Variants in CHD9 observed in about 807,000 individuals in gnomAD.
The protein encoded by CHD9 is chromodomain helicase DNA binding protein 9.
CHD9 carries 77 observed loss-of-function variants against 316.1 expected under a neutral mutation model. The ratio of observed to expected loss-of-function variants is 0.24; its 90% CI spans 0.20 to 0.29. CHD9 has a LOEUF of 0.29. Among genes scored for constraint, CHD9 ranks in the 10% least tolerant of loss-of-function variants. The pLI is 1.00. For missense variants in CHD9, 2,763 were observed against 3,438.1 expected (o/e 0.80, Z 4.91); for synonymous variants, 1,129 against 1,158.3 (o/e 0.97, Z 0.51).
intron 1 of CHD9, among the ~76,000 whole-genome samples, chr16:53,095,997 T>C (rs930683036): frequency 2.0e-5 from 3 of 152,066 alleles, no homozygotes; most frequent in Non-Finnish European, 4.4e-5. Flanking sequence ...TTTCCAAATA[T>C]GGTTTACAGT....
chr16:53,135,811 C>G (rs920254077), intron 1 of CHD9, among the ~76,000 whole-genome samples: 1 of 152,132 alleles, frequency 6.6e-6, no homozygotes, highest in Admixed American at 6.5e-5. Flanking sequence ...GTTAGAAAAA[C>G]TGGTGAAATG....
chr16:53,173,790 C>T (rs985110401), intron 2 of CHD9, among the ~76,000 whole-genome samples: 75 of 151,942 alleles, frequency 4.9e-4, no homozygotes, highest in African/African-American at 1.3e-3. Context: ...ATGATTCACC[C>T]GCCTCAGCCT....
rs2048815902 is a variant in CHD9 at position 53,238,470 on chromosome 16, G to A, written c.2761G>A (p.Ala921Thr). The part of the protein sequence containing the change: ...FLIIAPLSTI[A>T]NWEREFRTWT... ...GATTATTGCTCCACTTTCTACTATTGCAAACTGGGAGAGAGAATTTCGTAC... is the reference window on the plus strand; with the variant it reads ...GATTATTGCTCCACTTTCTACTATTACAAACTGGGAGAGAGAATTTCGTAC... Residue 921 changes from alanine (A) to threonine (T), a missense_variant, in exon 12 of 39, where the codon GCA (alanine) becomes ACA (threonine). Ala to Thr is a moderately conservative substitution (Grantham distance 58). Transcript: ENST00000447540. 3 of 1,613,054 alleles carry A rather than the reference G, an allele frequency of 1.9e-6. No homozygotes were observed. Among genetic ancestry groups the A allele is most frequent in the Non-Finnish European group, 2.5e-6 (3 of 1,179,492 alleles).
At chr16:53,250,254 T>C (rs1230005600) in intron 17 of CHD9, 188 bp downstream of exon 17, 2 of 557,654 alleles carry the variant, frequency 3.6e-6, no homozygotes, top group Non-Finnish European at 6.2e-6. Context: ...ATGACAAAAA[T>C]TTTTACTTTT....
chr16:53,196,204 G>T (rs916942542), intron 2 of CHD9, among the ~76,000 whole-genome samples: 1 of 152,028 alleles, frequency 6.6e-6, no homozygotes, highest in African/African-American at 2.4e-5. Flanking sequence ...GCATGTGTTT[G>T]TGTGTTTATT....
chr16:53,157,627 A>C, intron 2 of CHD9, 86 bp downstream of exon 2: 1 of 1,274,926 alleles, frequency 7.8e-7, no homozygotes. Flanking sequence ...AAACATAGTC[A>C]AGATTTCTCA....
At chr16:53,161,354 A>G (rs1399992470) in intron 2 of CHD9, among the ~76,000 whole-genome samples, 1 of 152,220 alleles carries the variant, frequency 6.6e-6, no homozygotes, top group Admixed American at 6.5e-5. Flanking sequence ...TTTTACCTAT[A>G]TAATTTTTGC....
chr16:53,064,494 G>A (rs1466192136), intron 1 of CHD9, among the ~76,000 whole-genome samples: 1 of 152,152 alleles, frequency 6.6e-6, no homozygotes, highest in Non-Finnish European at 1.5e-5. Flanking sequence ...AAAAAGGGGG[G>A]CCAGCTGTCA....
At chr16:53,238,165 G>A (rs2048790974) in intron 11 of CHD9, among the ~76,000 whole-genome samples, 178 bp from the exon 12 acceptor site, 3 of 151,950 alleles carry the variant, frequency 2.0e-5, no homozygotes, top group South Asian at 4.1e-4. Flanking sequence ...AGAAATCTTT[G>A]TGCCTTTGCA....
Position 53,291,755 on chromosome 16 carries a change from A to T in CHD9, c.5278A>T (p.Ile1760Leu), listed in dbSNP as rs969801545. ...DDVSSPGDLV[I>L]ADGDGQLMEG... ...TGTTTCCTCACCAGGAGATCTTGTT[A>T]TAGCAGATGGAGGTAAATTGCACGT... is the stretch of plus-strand genomic sequence containing the variant. Residue 1760 changes from isoleucine to leucine, a missense_variant, in exon 28 of 39, where the codon ATA (isoleucine) becomes TTA (leucine). Physicochemically the swap from Ile to Leu is conservative, Grantham distance 5 (BLOSUM62 2). Around this residue, in one of 15 missense-constraint regions of CHD9, gnomAD observed 183 missense variants for 258.5 expected, o/e 0.71. Transcript: ENST00000447540. The T allele has an allele frequency of 1.9e-6, 3 of 1,560,324 alleles. No homozygotes were observed. The South Asian group carries it at 3.7e-5, about 19-fold the overall frequency.
chr16:53,140,329 G>A (rs1203728428), intron 1 of CHD9, among the ~76,000 whole-genome samples: 8 of 150,020 alleles, frequency 5.3e-5, no homozygotes, highest in South Asian at 2.1e-4. Context: ...GTGGTGGCAC[G>A]TGCCTGTAAT....
At chr16:53,306,483 A>T (rs2055987529) in intron 32 of CHD9, 86 bp downstream of exon 32, 1 of 1,113,208 alleles carries the variant, frequency 9.0e-7, no homozygotes, top group East Asian at 2.9e-5. Flanking sequence ...ACTATGTGGA[A>T]ACATAGGTCA....
intron 3 of CHD9, among the ~76,000 whole-genome samples, chr16:53,217,150 CTT>C (rs1182901465): frequency 6.6e-6 from 1 of 152,140 alleles, no homozygotes. Flanking sequence ...GCTCCTCAGA[CTT>C]TTTTCTTTTA....
intron 34 of CHD9, among the ~76,000 whole-genome samples, chr16:53,313,257 AG>A (rs989811506): frequency 6.6e-6 from 1 of 150,974 alleles, no homozygotes; most frequent in African/African-American, 2.4e-5. Flanking sequence ...TGAAAAAAAA[AG>A]AGCACAAGAG....
intron 1 of CHD9, among the ~76,000 whole-genome samples, chr16:53,120,514 G>A (rs1567343542): frequency 6.6e-6 from 1 of 152,196 alleles, no homozygotes; most frequent in Non-Finnish European, 1.5e-5. Flanking sequence ...TAAGGAGGCT[G>A]AAGCAGGAGA....
chr16:53,226,448 G>C lies in CHD9; in HGVS notation c.1979G>C (p.Gly660Ala). 1.2e-6 allele frequency: 2 copies of C among 1,606,662 alleles called. No homozygotes were observed. The highest frequency in any genetic ancestry group is 1.3e-5 in the African/African-American group (1 of 74,614). ...AAGCAATCTGAAGAAGAGGTTAAAG[G>C]TTCTATGAAAATAAAAAAGAATTCA... ...EGKQSEEEVK[G>A]SMKIKKNSAP... Residue 660 changes from glycine (G) to alanine (A), a missense_variant, in exon 5 of 39, where the codon GGT (glycine) becomes GCT (alanine). Transcript: ENST00000447540.
At chr16:53,320,393 G>A (rs369607467) in intron 37 of CHD9, among the ~76,000 whole-genome samples, 1 of 151,866 alleles carries the variant, frequency 6.6e-6, no homozygotes, top group Admixed American at 6.6e-5. Flanking sequence ...ATGGTGGTGG[G>A]CACCTATAAT....
In CHD9 at chr16:53,069,632, C is replaced by A. The variant is rs2033833775; in HGVS notation, c.-165+14555C>A. ...ATCTGCCACAGTGTGTTTATCCATT[C>A]ATCTGTTGGTGGACACTTGGGTTAC... On this transcript the variant is annotated intron_variant, in intron 1 of 38. Transcript: ENST00000447540. Among the ~76,000 whole-genome samples the A allele has an allele frequency of 2.0e-5, 3 of 152,186 alleles. No homozygotes were observed. The South Asian group carries it at 6.2e-4, about 32-fold the overall frequency.
chr16:53,101,679 C>T (rs1167834968), intron 1 of CHD9, among the ~76,000 whole-genome samples: 2 of 152,144 alleles, frequency 1.3e-5, no homozygotes, highest in African/African-American at 4.8e-5. Context: ...GCAGGTGTCC[C>T]TTACAAGGCC....
Sources: allele counts gnomAD v4.1 joint callset (sites outside exome capture counted in the v4.1 genomes callset), GRCh38; gene constraint gnomAD v4.1.1; regional missense constraint gnomAD v4.1.1; transcripts MANE v1.5; gene names NCBI Gene and HGNC (gene_info 2026-07-23, HGNC 2026-07-21).